Variants in SNX2 observed in about 807,000 individuals in gnomAD.
SNX2 encodes sorting nexin 2.
A neutral mutation model predicts 69.9 loss-of-function variants in SNX2; 25 were observed. That is an observed-to-expected ratio of 0.36 (90% CI 0.26 to 0.50). The LOEUF (loss-of-function observed/expected upper bound fraction) is 0.50, where lower values mean the gene tolerates loss of function less well. SNX2 is among the 20% of genes least tolerant of loss of function. The pLI, the probability that SNX2 is intolerant of heterozygous loss-of-function variation, is 0.97. For synonymous variants in SNX2, 229 were observed against 200.4 expected, an observed-to-expected ratio of 1.14 and a Z score of -1.20; for missense variants, 551 against 613.3, an observed-to-expected ratio of 0.90 and a Z score of 1.07.
chr5:122,827,590 G>A lies in SNX2; in HGVS notation c.1453G>A (p.Asp485Asn), dbSNP rs768917490. Reference protein sequence around the residue: ...VGRFEKERVKDFKTVIIKYLE... With the variant: ...VGRFEKERVKNFKTVIIKYLE... ...ACTTCAACAGAAAGAACGAGTGAAG[G>A]ATTTTAAAACCGTTATCATCAAGTA... The change falls in exon 14 of 15, where the codon GAT becomes AAT. Residue 485 changes from aspartate (D) to asparagine (N), a missense_variant. Physicochemically the swap from Asp to Asn is conservative, Grantham distance 23 (BLOSUM62 1). This residue lies in a region of SNX2 where 360 missense variants were observed against 450.4 expected (regional missense o/e 0.80). Transcript: ENST00000379516. 69 of 1,612,992 alleles carry A rather than the reference G, an allele frequency of 4.3e-5. 1 individual carries two copies. The East Asian group carries it at 1.5e-3, about 35-fold the overall frequency.
chr5:122,818,731 A>G, intron 10 of SNX2, 87 bp from the exon 11 acceptor site: 1 of 1,086,488 alleles, frequency 9.2e-7, no homozygotes, highest in South Asian at 1.6e-5. Flanking sequence ...GCATAAGTAA[A>G]ATTTAGAGAA....
chr5:122,816,947 T>C lies in SNX2; in HGVS notation c.831T>C (p.Ser277=). 1 of 1,613,336 alleles carries C rather than the reference T, an allele frequency of 6.2e-7. No individual in the cohort carries two copies. The highest frequency in any genetic ancestry group is 8.5e-7 in the Non-Finnish European group (1 of 1,179,468). Residue 277 remains serine (S), a synonymous_variant, in exon 9 of 15, where the codon AGT becomes AGC. Transcript: ENST00000379516. ...GAGCAGTTAATACACAGGCTCTGAGTGGAGCAGGAATATTGAGGATGGTGA... is the reference window on the plus strand; with the variant it reads ...GAGCAGTTAATACACAGGCTCTGAGCGGAGCAGGAATATTGAGGATGGTGA... The part of the protein sequence containing the change: ...LPRAVNTQAL[S]GAGILRMVNK...
At chr5:122,786,045 C>G (rs1470897337) in intron 1 of SNX2, among the ~76,000 whole-genome samples, 1 of 152,076 alleles carries the variant, frequency 6.6e-6, no homozygotes, top group South Asian at 2.1e-4. Context: ...TATTTTGAAG[C>G]TATTTTGTTA....
At chr5:122,809,858 A>G (rs1753730481) in intron 7 of SNX2, among the ~76,000 whole-genome samples, 2 of 152,208 alleles carry the variant, frequency 1.3e-5, no homozygotes, top group South Asian at 4.1e-4. Context: ...TAAAGATGGG[A>G]TTATGTCTGA....
At chr5:122,805,781 A>AC (rs756314292) in intron 6 of SNX2, among the ~76,000 whole-genome samples, 21 of 151,896 alleles carry the variant, frequency 1.4e-4, no homozygotes, top group Non-Finnish European at 2.5e-4. Context: ...ATTGTTTAAA[A>AC]CTTTTTTGCT....
At chr5:122,820,009 T>A (rs1234234798) in intron 11 of SNX2, among the ~76,000 whole-genome samples, 3 of 152,198 alleles carry the variant, frequency 2.0e-5, no homozygotes, top group Non-Finnish European at 2.9e-5. Flanking sequence ...CCTAATGCTG[T>A]TGGTGATTAA....
At chr5:122,828,777 A>T (rs879549989) in intron 14 of SNX2, among the ~76,000 whole-genome samples, 2 of 152,178 alleles carry the variant, frequency 1.3e-5, no homozygotes, top group Non-Finnish European at 2.9e-5. Flanking sequence ...TTTATATATG[A>T]AATATATTGA....
chr5:122,820,219 AG>A (rs1753989798), intron 11 of SNX2, among the ~76,000 whole-genome samples: 1 of 152,170 alleles, frequency 6.6e-6, no homozygotes, highest in African/African-American at 2.4e-5. Context: ...GGGTCAAAAA[AG>A]GGGAGTTGGG....
chr5:122,803,907 G>A (rs1192837181), intron 6 of SNX2: 4 of 201,176 alleles, frequency 2.0e-5, no homozygotes, highest in African/African-American at 4.6e-5. Flanking sequence ...GGGAGGCCAG[G>A]GTAGGAAGAT....
chr5:122,794,318 A>G (rs1753323153), intron 1 of SNX2, among the ~76,000 whole-genome samples: 1 of 144,266 alleles, frequency 6.9e-6, no homozygotes. Context: ...CTCAAAACAA[A>G]CAAACAAACA....
intron 1 of SNX2, among the ~76,000 whole-genome samples, chr5:122,780,672 C>G (rs1053008776): frequency 6.6e-6 from 1 of 150,966 alleles, no homozygotes; most frequent in East Asian, 2.0e-4. Context: ...CAGGTTCAAG[C>G]GATTCTCCTG....
chr5:122,798,783 G>T (rs572003086), intron 2 of SNX2, among the ~76,000 whole-genome samples: 2 of 151,928 alleles, frequency 1.3e-5, no homozygotes, highest in African/African-American at 4.8e-5. Flanking sequence ...ACCCATTTCA[G>T]TCTTCTCAGA....
At chr5:122,793,019 T>C (rs1407048180) in intron 1 of SNX2, among the ~76,000 whole-genome samples, 1 of 152,192 alleles carries the variant, frequency 6.6e-6, no homozygotes, top group Non-Finnish European at 1.5e-5. Context: ...CATATGCTGC[T>C]GGTGGGAGTG....
chr5:122,827,728 C>A, intron 14 of SNX2, 82 bp downstream of exon 14: 1 of 939,798 alleles, frequency 1.1e-6, no homozygotes, highest in Non-Finnish European at 1.7e-6. Flanking sequence ...GATTAATGAA[C>A]TGGGCATTTA....
intron 1 of SNX2, among the ~76,000 whole-genome samples, chr5:122,783,005 C>T (rs952625801): frequency 6.6e-6 from 1 of 151,588 alleles, no homozygotes; most frequent in African/African-American, 2.4e-5. Context: ...GGCGTGATCT[C>T]GGCTCACTGC....
chr5:122,785,676 A>G (rs1209724030), intron 1 of SNX2, among the ~76,000 whole-genome samples: 1 of 152,210 alleles, frequency 6.6e-6, no homozygotes, highest in Non-Finnish European at 1.5e-5. Context: ...TTTAATTTCC[A>G]AAATTTGAGG....
chr5:122,806,142 G>GCACGCGCGCGCACACACACACACA (rs1554063175), intron 6 of SNX2, among the ~76,000 whole-genome samples: 1 of 130,584 alleles, frequency 7.7e-6, no homozygotes, highest in African/African-American at 2.9e-5. Context: ...ACACGCGCGC[G>GCACGCGCGCGCACACACACACACA]CACACACACA....
At chr5:122,827,670 T>C in intron 14 of SNX2, 24 bp downstream of exon 14, 1 of 1,540,440 alleles carries the variant, frequency 6.5e-7, no homozygotes, top group Non-Finnish European at 8.9e-7. Context: ...GTTTATAACT[T>C]AAACTTCTAG....
At chr5:122,807,116 T>A (rs1251971043) in intron 6 of SNX2, among the ~76,000 whole-genome samples, 1 of 152,000 alleles carries the variant, frequency 6.6e-6, no homozygotes, top group Non-Finnish European at 1.5e-5. Context: ...CAAAATCTTG[T>A]CTCTACAAAA....
Sources: gnomAD v4.1 joint callset for allele counts (sites outside exome capture counted in the v4.1 genomes callset) on GRCh38, gnomAD v4.1.1 for gene constraint, gnomAD v4.1.1 regional missense constraint, MANE v1.5 for transcripts, NCBI Gene and HGNC (gene_info 2026-07-23, HGNC 2026-07-21) for gene names.